RPGRIP1: variants seen among roughly 807,000 people sequenced by gnomAD.
RPGRIP1 encodes the protein X-linked retinitis pigmentosa GTPase regulator-interacting protein 1.
RPGRIP1 carries 128 observed loss-of-function variants against 157.9 expected under a neutral mutation model. The ratio of observed to expected loss-of-function variants is 0.81; its 90% CI spans 0.70 to 0.94. RPGRIP1 has a LOEUF of 0.94. Ranked by LOEUF, RPGRIP1 falls within the 40% of genes least tolerant of loss-of-function variation. The probability of loss-of-function intolerance (pLI) is 0.00; values close to 1 mark genes in which losing one functional copy is unlikely to be tolerated. For synonymous variants in RPGRIP1, 554 were observed against 571.6 expected, an observed-to-expected ratio of 0.97 and a Z score of 0.44; for missense variants, 1,486 against 1,545.8, an observed-to-expected ratio of 0.96 and a Z score of 0.65.
Position 21,349,827 on chromosome 14 carries a change from A to C in RPGRIP1, c.3749-1277A>C, listed in dbSNP as rs367830491. 2.6e-5 allele frequency among the ~76,000 whole-genome samples: 4 copies of C among 152,212 alleles called. No individual in the cohort carries two copies. The East Asian group carries it at 7.7e-4, about 29-fold the overall frequency. ...TAAATCCTTTTACAGTTTGCTATAG[A>C]TCAGCATGTTTTAAAAACATTTGTA... On this transcript the variant is annotated intron_variant, in intron 24 of 24. Transcript: ENST00000400017.
intron 21 of RPGRIP1, among the ~76,000 whole-genome samples, chr14:21,338,486 C>G (rs537117429): frequency 4.6e-5 from 7 of 152,240 alleles, no homozygotes; most frequent in African/African-American, 1.7e-4. Context: ...AGGGTTTCTG[C>G]CAGCAAGTTC....
At chr14:21,303,262 T>C (rs1881116655) in intron 5 of RPGRIP1, 69 bp from the exon 6 acceptor site, 1 of 1,086,954 alleles carries the variant, frequency 9.2e-7, no homozygotes, top group African/African-American at 1.6e-5. Context: ...TTAATTTCTT[T>C]TTATATGTGT....
chr14:21,310,639 A>G lies in RPGRIP1; in HGVS notation c.930+32A>G, dbSNP rs762375739. The G allele has an allele frequency of 4.5e-6, 6 of 1,340,258 alleles. No individual in the cohort carries two copies. The African/African-American group carries it at 7.4e-5, about 17-fold the overall frequency. The allele number at this position is 1,340,258 out of a possible 1,614,324, so 83.0% of individuals were successfully genotyped here. ...AATGAGAATTGAGTCTCTGTTTCTTAGTAACCAGAATAATCAAACCCAAAG... is the reference window on the plus strand; with the variant it reads ...AATGAGAATTGAGTCTCTGTTTCTTGGTAACCAGAATAATCAAACCCAAAG... On this transcript the variant is annotated intron_variant, in intron 8 of 24. Coordinates refer to ENST00000400017, the MANE Select transcript of RPGRIP1 (RefSeq NM_020366.4).
At position 21,351,106 on chromosome 14, in the gene RPGRIP1, G is replaced by A. The variant is rs1366328748; in HGVS notation, c.3751G>A (p.Val1251Ile). The change falls in exon 25 of 25, where the codon GTT becomes ATT. Residue 1251 changes from valine to isoleucine, a missense_variant and splice_region_variant. Physicochemically the swap from Val to Ile is conservative, Grantham distance 29. Coordinates refer to ENST00000400017, the MANE Select transcript of RPGRIP1 (RefSeq NM_020366.4). ...TGTTTTTTTCCCTTTCCCAACAGTT[G>A]TTAGCCCTGAAGATCTGGCTACCCC... is the stretch of plus-strand genomic sequence containing the variant. ...RDILEQELDI[V>I]SPEDLATPIG... is the part of the protein sequence containing the mutation. 1.9e-6 allele frequency: 3 copies of A among 1,597,848 alleles called. No individual in the cohort carries two copies. The highest frequency in any genetic ancestry group is 2.6e-6 in the Non-Finnish European group (3 of 1,168,926).
intron 21 of RPGRIP1, among the ~76,000 whole-genome samples, chr14:21,339,339 G>A (rs776864301): frequency 2.6e-5 from 4 of 151,592 alleles, no homozygotes; most frequent in Non-Finnish European, 5.9e-5. Context: ...CTGGCTACTC[G>A]AAAGGCGGAG....
At chr14:21,349,388 ATAATT>A (rs1885925220) in intron 24 of RPGRIP1, among the ~76,000 whole-genome samples, 1 of 122,624 alleles carries the variant, frequency 8.2e-6, no homozygotes, top group South Asian at 2.8e-4. Context: ...TATAATTACT[ATAATT>A]TCTTTCTTTT....
intron 23 of RPGRIP1, among the ~76,000 whole-genome samples, chr14:21,347,152 G>A (rs1392995311): frequency 6.6e-6 from 1 of 151,972 alleles, no homozygotes; most frequent in African/African-American, 2.4e-5. Flanking sequence ...GATTCGATTG[G>A]TATTACCTTT....
intron 11 of RPGRIP1, chr14:21,318,253 T>G: frequency 2.6e-6 from 1 of 378,610 alleles, no homozygotes; most frequent in East Asian, 7.5e-5. Flanking sequence ...ATTACAAGCA[T>G]GCACTACCAC....
At chr14:21,314,276 G>T (rs1254118859) in intron 10 of RPGRIP1, among the ~76,000 whole-genome samples, 3 of 151,956 alleles carry the variant, frequency 2.0e-5, no homozygotes, top group Non-Finnish European at 4.4e-5. Flanking sequence ...CAGAGACAGG[G>T]TTTCGCCAGA....
At chr14:21,336,455 A>C (rs1340875770) in intron 21 of RPGRIP1, among the ~76,000 whole-genome samples, 2 of 152,176 alleles carry the variant, frequency 1.3e-5, no homozygotes, top group Admixed American at 6.5e-5. Flanking sequence ...GGATTGCTTG[A>C]GCCTGAGAGT....
chr14:21,343,838 T>C (rs1414074128), intron 22 of RPGRIP1, among the ~76,000 whole-genome samples: 2 of 148,784 alleles, frequency 1.3e-5, no homozygotes, highest in African/African-American at 2.5e-5. Flanking sequence ...TATTTCTGAG[T>C]ATTGATTTTT....
Position 21,343,241 on chromosome 14 carries a change from G to A in RPGRIP1, c.3532+13G>A, listed in dbSNP as rs1341242674. On this transcript the variant is annotated intron_variant, in intron 22 of 24. Coordinates refer to ENST00000400017, the MANE Select transcript of RPGRIP1 (RefSeq NM_020366.4). ...CACTTTAGCAAGGGTGAGGCATCCT[G>A]TGTGGTTACTGGGGTGAGGAAGTCT... The A allele has an allele frequency of 3.7e-6, 6 of 1,606,240 alleles. No individual in the cohort carries two copies. The highest frequency in any genetic ancestry group is 4.3e-6 in the Non-Finnish European group (5 of 1,175,668).
intron 23 of RPGRIP1, among the ~76,000 whole-genome samples, chr14:21,346,707 G>C (rs575513195): frequency 1.3e-5 from 2 of 152,074 alleles, no homozygotes; most frequent in Non-Finnish European, 2.9e-5. Flanking sequence ...TAATTTTTTT[G>C]TTTGTTTGTT....
At chr14:21,328,037 G>A (rs1883296860) in intron 18 of RPGRIP1, among the ~76,000 whole-genome samples, 1 of 152,174 alleles carries the variant, frequency 6.6e-6, no homozygotes, top group South Asian at 2.1e-4. Flanking sequence ...GGGCGTGGTG[G>A]CACATGCCTG....
chr14:21,294,299 C>T (rs1880667482), intron 2 of RPGRIP1, among the ~76,000 whole-genome samples: 2 of 151,180 alleles, frequency 1.3e-5, no homozygotes, highest in Admixed American at 6.6e-5. Context: ...GGCACGATCT[C>T]GGCTCATGGC....
At chr14:21,322,201 A>T (rs922714536) in intron 14 of RPGRIP1, among the ~76,000 whole-genome samples, 197 bp downstream of exon 14, 5 of 151,962 alleles carry the variant, frequency 3.3e-5, no homozygotes, top group African/African-American at 1.2e-4. Context: ...TCTGTCACTC[A>T]GGCTGGAGTG....
At chr14:21,344,429 C>A (rs1885353635) in intron 22 of RPGRIP1, among the ~76,000 whole-genome samples, 1 of 152,158 alleles carries the variant, frequency 6.6e-6, no homozygotes, top group Admixed American at 6.6e-5. Context: ...CCCACTGTTT[C>A]ATTATTACTG....
At position 21,327,775 on chromosome 14, in the gene RPGRIP1, T is replaced by G. The variant is rs778265703; in HGVS notation, c.2863T>G (p.Ser955Ala). ...KDTKDSSKIS[S>A]EEEKASFPSQ... ...TACCAAGGACAGTTCAAAGATCTCA[T>G]CTGAAGAGGAAAAGGCTTCATTTCC... is the stretch of plus-strand genomic sequence containing the variant. Residue 955 changes from serine to alanine, a missense_variant, in exon 18 of 25, where the codon TCT (serine) becomes GCT (alanine). Physicochemically the swap from Ser to Ala is moderately conservative, Grantham distance 99 (BLOSUM62 1). Coordinates refer to ENST00000400017, the MANE Select transcript of RPGRIP1 (RefSeq NM_020366.4). The G allele has an allele frequency of 4.4e-6, 7 of 1,606,982 alleles. No homozygotes were observed. In the South Asian group the frequency reaches 7.8e-5, roughly 18 times the overall value.
At chr14:21,334,734 C>T (rs767327986) in intron 21 of RPGRIP1, 29 bp downstream of exon 21, 29 of 1,360,878 alleles carry the variant, frequency 2.1e-5, no homozygotes, top group African/African-American at 1.2e-4. Flanking sequence ...TCATTGCATA[C>T]GAGATAAGAC....
Sources: gnomAD v4.1 joint callset for allele counts (sites outside exome capture counted in the v4.1 genomes callset) on GRCh38, gnomAD v4.1.1 for gene constraint, MANE v1.5 for transcripts, NCBI Gene and HGNC (gene_info 2026-07-23, HGNC 2026-07-21) for gene names.